Variants in MYT1L observed in about 807,000 individuals in gnomAD.
MYT1L encodes myelin transcription factor 1 like, also known as myelin transcription factor 1-like protein.
A neutral mutation model predicts 126.7 loss-of-function variants in MYT1L; 12 were observed. The observed-to-expected ratio is 0.09, with a 90% CI of 0.06 to 0.15. MYT1L has a LOEUF of 0.15. Among genes scored for constraint, MYT1L ranks in the 10% least tolerant of loss-of-function variants. The probability of loss-of-function intolerance (pLI) is 1.00; values close to 1 mark genes in which losing one functional copy is unlikely to be tolerated. For missense variants in MYT1L, 979 were observed against 1,585.2 expected (o/e 0.62, Z 6.49); for synonymous variants, 541 against 604.2 (o/e 0.90, Z 1.53).
At chr2:1,990,971 T>TG (rs2061412572) in intron 5 of MYT1L, among the ~76,000 whole-genome samples, 1 of 152,220 alleles carries the variant, frequency 6.6e-6, no homozygotes, top group African/African-American at 2.4e-5. Context: ...GCTTCCTTTG[T>TG]GGGCTAAGCT....
chr2:2,056,059 A>G (rs954534831), intron 3 of MYT1L, among the ~76,000 whole-genome samples: 7 of 152,208 alleles, frequency 4.6e-5, no homozygotes, highest in Non-Finnish European at 1.0e-4. Context: ...CATTAAAGTG[A>G]TAAGTATCTA....
rs533451688 is a variant in MYT1L at position 2,095,972 on chromosome 2, G to A, written c.-303-41849C>T. ...GAGGAGCCCTGGTGAACGTGGACAC[G>A]CGTGGGATGTTCATGGGTGGGTCTG... On this transcript the variant is annotated intron_variant, in intron 3 of 24. Transcript: ENST00000647738. 2.1e-4 allele frequency among the ~76,000 whole-genome samples: 32 copies of A among 152,202 alleles called. No individual in the cohort carries two copies. The South Asian group carries it at 5.4e-3, about 26-fold the overall frequency.
rs1304848100 is a variant in MYT1L at position 2,059,406 on chromosome 2, G to T, written c.-303-5283C>A. On this transcript the variant is annotated intron_variant, in intron 3 of 24. Transcript: ENST00000647738. The surrounding 1 kb of genome is among the most constrained non-coding windows in gnomAD (Gnocchi z 4.7). ...GGCACCATAGTAAGCACCCGGCGGC[G>T]GTCTCACAGCACCGCAGGAAGCACC... 6.7e-6 allele frequency among the ~76,000 whole-genome samples: 1 copy of T among 148,584 alleles called. No individual in the cohort carries two copies. The highest frequency in any genetic ancestry group is 1.5e-5 in the Non-Finnish European group (1 of 68,002).
chr2:1,952,966 C>T (rs1271974860), intron 8 of MYT1L, among the ~76,000 whole-genome samples: 1 of 120,130 alleles, frequency 8.3e-6, no homozygotes, highest in Non-Finnish European at 1.8e-5. Flanking sequence ...CTCCCTCCCT[C>T]CCTCCTTCCT....
At position 1,801,736 on chromosome 2, in the gene MYT1L, T is replaced by C; in HGVS notation, c.3236A>G (p.Asn1079Ser). 1 of 1,612,362 alleles carries C rather than the reference T, an allele frequency of 6.2e-7. No homozygotes were observed. Among genetic ancestry groups the C allele is most frequent in the Non-Finnish European group, 8.5e-7 (1 of 1,179,280 alleles). ...AATCATATCGGCTTCCATCTGGGAA[T>C]TGGATTCATTTAGCTCCTTGATTTC... The part of the protein sequence containing the change: ...DEEIKELNES[N>S]SQMEADMIKL... The change falls in exon 23 of 25, where the codon AAT (asparagine) becomes AGT (serine). Residue 1079 changes from asparagine to serine, a missense_variant. Transcript: ENST00000647738. The surrounding 1 kb of genome is among the most constrained non-coding windows in gnomAD (Gnocchi z 4.2).
At chr2:1,935,361 T>C (rs2055727389) in intron 9 of MYT1L, among the ~76,000 whole-genome samples, 1 of 152,204 alleles carries the variant, frequency 6.6e-6, no homozygotes, top group Admixed American at 6.5e-5. Flanking sequence ...GCTGTCATGA[T>C]ATTCTGAATC....
intron 21 of MYT1L, among the ~76,000 whole-genome samples, chr2:1,835,440 T>C (rs866933208): frequency 6.6e-5 from 10 of 152,328 alleles, no homozygotes; most frequent in Non-Finnish European, 1.0e-4. Flanking sequence ...CAAGTGTGTA[T>C]TGCTCTTGCA....
intron 8 of MYT1L, among the ~76,000 whole-genome samples, chr2:1,952,912 CCCTTCCTTCCCTTCCCT>C (rs1257522630): frequency 4.9e-5 from 5 of 102,224 alleles, no homozygotes; most frequent in Admixed American, 9.0e-5. Context: ...CCCTTCCTCT[CCCTTCCTTCCCTTCCCT>C]CCTTCCTTCC....
At chr2:2,320,581 A>G (rs567724031) in intron 1 of MYT1L, among the ~76,000 whole-genome samples, 37 of 152,210 alleles carry the variant, frequency 2.4e-4, no homozygotes, top group Admixed American at 7.8e-4. Context: ...ACAGCACAAC[A>G]CTGTTAGAAC....
chr2:2,205,989 T>TTTTCTTTTCTTTTCTTTTCTTTTCTTTC lies in MYT1L; in HGVS notation c.-420-33002_-420-33001insGAAAGAAAAGAAAAGAAAAGAAAAGAAA, dbSNP rs1559334824. On this transcript the variant is annotated intron_variant, in intron 2 of 24. Transcript: ENST00000647738. Reference sequence around the variant, plus strand: ...AATTTCTTTTCTTTTCTTTTCTTTCTTTTTTTTTTTTGAAACAGGGTCTCA... The same window carrying TTTTCTTTTCTTTTCTTTTCTTTTCTTTC: ...AATTTCTTTTCTTTTCTTTTCTTTCTTTTCTTTTCTTTTCTTTTCTTTTCTTTCTTTTTTTTTTTGAAACAGGGTCTCA... Among the ~76,000 whole-genome samples, 262 of 97,994 alleles carry TTTTCTTTTCTTTTCTTTTCTTTTCTTTC rather than the reference T, an allele frequency of 2.7e-3. 1 individual carries two copies. Among genetic ancestry groups the TTTTCTTTTCTTTTCTTTTCTTTTCTTTC allele is most frequent in the African/African-American group, 8.2e-3 (252 of 30,560 alleles). 64.3% of individuals were successfully genotyped at this position (97,994 alleles called of 152,430 possible).
chr2:1,958,525 C>G (rs188708061), intron 8 of MYT1L, among the ~76,000 whole-genome samples: 2 of 152,214 alleles, frequency 1.3e-5, no homozygotes, highest in African/African-American at 4.8e-5. Flanking sequence ...CCTCAAGCGG[C>G]CTCAGCTGTT....
intron 3 of MYT1L, among the ~76,000 whole-genome samples, chr2:2,158,145 C>T (rs2087036955): frequency 8.4e-6 from 1 of 118,416 alleles, no homozygotes; most frequent in African/African-American, 3.2e-5. Context: ...AGACAGGAAC[C>T]ATGTGCAGAC....
Position 1,906,920 on chromosome 2 carries a change from A to G in MYT1L, c.1817+3320T>C, listed in dbSNP as rs553258762. 2.7e-5 allele frequency among the ~76,000 whole-genome samples: 4 copies of G among 150,390 alleles called. No individual in the cohort carries two copies. The East Asian group carries it at 5.9e-4, about 22-fold the overall frequency. On this transcript the variant is annotated intron_variant, in intron 13 of 24. Coordinates refer to ENST00000647738, the MANE Select transcript of MYT1L (RefSeq NM_001303052.2). ...TAGGGAGACCCTGTCTCTCCAAAAT[A>G]ATAATAATAATAATAAATAAATAAA...
intron 21 of MYT1L, among the ~76,000 whole-genome samples, chr2:1,836,038 C>T (rs2040834325): frequency 6.6e-6 from 1 of 152,112 alleles, no homozygotes; most frequent in Non-Finnish European, 1.5e-5. Context: ...ACCTGGGATC[C>T]TGAAAGAGGA....
At chr2:1,897,165 T>C (rs1476317251) in intron 14 of MYT1L, among the ~76,000 whole-genome samples, 1 of 152,168 alleles carries the variant, frequency 6.6e-6, no homozygotes, top group Non-Finnish European at 1.5e-5. Flanking sequence ...AAAACAAAAA[T>C]AAAAATAAGA....
chr2:2,246,199 G>C (rs574651060), intron 2 of MYT1L, among the ~76,000 whole-genome samples: 24 of 152,256 alleles, frequency 1.6e-4, no homozygotes, highest in African/African-American at 5.8e-4. Flanking sequence ...CTAGCAGAGA[G>C]GTGACAATGA....
chr2:2,225,626 C>G (rs1416929541), intron 2 of MYT1L, among the ~76,000 whole-genome samples: 1 of 152,160 alleles, frequency 6.6e-6, no homozygotes, highest in Admixed American at 6.5e-5. Context: ...CCCACACCAG[C>G]CTCTCCAGCA....
chr2:1,958,283 C>T (rs1241670539), intron 8 of MYT1L, among the ~76,000 whole-genome samples: 2 of 147,846 alleles, frequency 1.4e-5, no homozygotes, highest in Non-Finnish European at 1.5e-5. Context: ...CCCAGAGAGC[C>T]GGAGGATGAG....
chr2:2,094,533 C>A (rs1341470709), intron 3 of MYT1L, among the ~76,000 whole-genome samples: 1 of 152,096 alleles, frequency 6.6e-6, no homozygotes, highest in Admixed American at 6.5e-5. Flanking sequence ...AAATGTCCAA[C>A]AATGATAGAC....
Sources: allele counts gnomAD v4.1 joint callset (sites outside exome capture counted in the v4.1 genomes callset), GRCh38; gene constraint gnomAD v4.1.1; non-coding constraint Gnocchi (gnomAD v3.1); transcripts MANE v1.5; gene names NCBI Gene and HGNC (gene_info 2026-07-23, HGNC 2026-07-21).